ANKRD46: variants seen among roughly 807,000 people sequenced by gnomAD.
ANKRD46 encodes ankyrin repeat domain 46.
Under a neutral mutation model 19.8 loss-of-function variants are expected in ANKRD46, and 13 were observed. The observed-to-expected ratio is 0.66, with a 90% CI of 0.43 to 1.04. The LOEUF (loss-of-function observed/expected upper bound fraction) is 1.04, where lower values mean the gene tolerates loss of function less well. ANKRD46 is among the 50% of genes least tolerant of loss of function. ANKRD46 has a pLI of 0.00. For synonymous variants in ANKRD46, 91 were observed against 106.9 expected (o/e 0.85, Z 0.92); for missense variants, 185 against 274.8 (o/e 0.67, Z 2.31).
At position 100,556,765 on chromosome 8, in the gene ANKRD46, G is replaced by A. The variant is rs999527654; in HGVS notation, c.-131+2946C>T. On this transcript the variant is annotated intron_variant, in intron 1 of 4. Transcript: ENST00000335659. ...TACTTGACTTGTCAATCAGCAGGAGGAGACACAGTTGGTCACTTTCTCCCT... is the reference window on the plus strand; with the variant it reads ...TACTTGACTTGTCAATCAGCAGGAGAAGACACAGTTGGTCACTTTCTCCCT... The A allele has an allele frequency of 3.3e-5, 5 of 152,284 alleles. No homozygotes were observed. The South Asian group carries it at 8.3e-4, about 25-fold the overall frequency. 9.4% of individuals were successfully genotyped at this position (152,284 alleles called of 1,614,324 possible).
At position 100,544,906 on chromosome 8, in the gene ANKRD46, T is replaced by G. The variant is rs1295789565; in HGVS notation, c.-130-11595A>C. ...ATAGAGTCTGGTGCTCTTCACAGAGTGAACAAGCAGAGAAGCCCAAGGAGA... is the reference window on the plus strand; with the variant it reads ...ATAGAGTCTGGTGCTCTTCACAGAGGGAACAAGCAGAGAAGCCCAAGGAGA... On this transcript the variant is annotated intron_variant, in intron 1 of 4. Transcript: ENST00000335659. This position sits in a 1 kb window ranked among gnomAD's most constrained non-coding sequence, Gnocchi z 4.4. Among the ~76,000 whole-genome samples, 1 of 151,840 alleles carries G rather than the reference T, an allele frequency of 6.6e-6. No individual in the cohort carries two copies. Among genetic ancestry groups the G allele is most frequent in the Non-Finnish European group, 1.5e-5 (1 of 67,986 alleles).
chr8:100,518,829 G>A (rs1223779405), downstream of ANKRD46, among the ~76,000 whole-genome samples: 2 of 151,196 alleles, frequency 1.3e-5, no homozygotes, highest in Admixed American at 1.3e-4. Context: ...TCCAGCCTGG[G>A]CGACAGAGCG....
intron 1 of ANKRD46, among the ~76,000 whole-genome samples, chr8:100,538,690 G>A (rs990742576): frequency 6.6e-6 from 1 of 152,128 alleles, no homozygotes; most frequent in African/African-American, 2.4e-5. Context: ...AAGATTCACT[G>A]AGGACTGAGT....
intron 2 of ANKRD46, among the ~76,000 whole-genome samples, chr8:100,531,549 A>G (rs1307870973): frequency 6.6e-6 from 1 of 152,202 alleles, no homozygotes; most frequent in East Asian, 1.9e-4. Flanking sequence ...GCCAGGTACC[A>G]ACTAGGAGCT....
chr8:100,533,663 G>A (rs1812008126), intron 1 of ANKRD46, among the ~76,000 whole-genome samples: 2 of 152,234 alleles, frequency 1.3e-5, no homozygotes, highest in African/African-American at 2.4e-5. Flanking sequence ...CATTATAAAT[G>A]GAGGCTAGAT....
chr8:100,535,768 C>T (rs541545151), intron 1 of ANKRD46, among the ~76,000 whole-genome samples: 2 of 152,272 alleles, frequency 1.3e-5, no homozygotes, highest in Admixed American at 6.5e-5. Flanking sequence ...AGTAGTATTC[C>T]GTGGCATGGG....
At chr8:100,512,717 T>C (rs766380367) in intron 5 of ANKRD46, among the ~76,000 whole-genome samples, 2 of 152,226 alleles carry the variant, frequency 1.3e-5, no homozygotes, top group Non-Finnish European at 2.9e-5. Flanking sequence ...GTAGTTCTAT[T>C]AGAGGAATAT....
chr8:100,515,027 A>G (rs1242192325), intron 5 of ANKRD46, among the ~76,000 whole-genome samples: 1 of 152,192 alleles, frequency 6.6e-6, no homozygotes, highest in Non-Finnish European at 1.5e-5. Flanking sequence ...AACATATTGA[A>G]GAGCTTAATT....
rs754707528 is a variant in ANKRD46 at position 100,511,171 on chromosome 8, C to T, written c.637-532G>A. On this transcript the variant is annotated intron_variant, in intron 5 of 5. Coordinates refer to the ANKRD46 transcript ENST00000520552. This position sits in a 1 kb window ranked among gnomAD's most constrained non-coding sequence, Gnocchi z 4.1. ...ATCCCCTGGTTAGCATTACTATTCC[C>T]ATGTAACAGATGAGCTGAGTCAGGA... is the stretch of plus-strand genomic sequence containing the variant. Among the ~76,000 whole-genome samples, 5 of 152,158 alleles carry T rather than the reference C, an allele frequency of 3.3e-5. No individual in the cohort carries two copies. Among genetic ancestry groups the T allele is most frequent in the African/African-American group, 4.8e-5 (2 of 41,424 alleles).
intron 5 of ANKRD46, among the ~76,000 whole-genome samples, chr8:100,512,591 G>A (rs924774838): frequency 3.9e-5 from 6 of 152,200 alleles, no homozygotes; most frequent in African/African-American, 1.4e-4. Flanking sequence ...CAGTTCTAGG[G>A]TCTTATAGTG....
In ANKRD46 at chr8:100,522,330, G is replaced by C; in HGVS notation, c.*225C>G. On this transcript the variant is annotated 3_prime_UTR_variant, in exon 5 of 5. Coordinates refer to ENST00000335659, the MANE Select transcript of ANKRD46 (RefSeq NM_001270377.2). ...GGCTACGTGTAGGCTTTCCTACAAA[G>C]TCAGGTTGAGTCAGAGGTAGCGTTA... The C allele has an allele frequency of 7.4e-7, 1 of 1,355,082 alleles. No homozygotes were observed. The highest frequency in any genetic ancestry group is 9.5e-7 in the Non-Finnish European group (1 of 1,052,386). 83.9% of individuals were successfully genotyped at this position (1,355,082 alleles called of 1,614,324 possible).
In ANKRD46 at chr8:100,534,453, C is replaced by T. The variant is rs1191387863; in HGVS notation, c.-130-1142G>A. 2.0e-5 allele frequency among the ~76,000 whole-genome samples: 3 copies of T among 152,174 alleles called. No individual in the cohort carries two copies. The highest frequency in any genetic ancestry group is 2.9e-5 in the Non-Finnish European group (2 of 68,024). On this transcript the variant is annotated intron_variant, in intron 1 of 4. Transcript: ENST00000335659. This position sits in a 1 kb window ranked among gnomAD's most constrained non-coding sequence, Gnocchi z 4.2. ...ATCAATTTAGACGAACTTCATATCA[C>T]GGAGCCACTTACCTTGATTTCCTTA...
chr8:100,516,718 A>G (rs994936397), downstream of ANKRD46, among the ~76,000 whole-genome samples: 2 of 152,224 alleles, frequency 1.3e-5, no homozygotes, highest in African/African-American at 4.8e-5. Flanking sequence ...TCAATTACGC[A>G]ACTCCTAGAG....
At chr8:100,549,984 T>G (rs531367768) in intron 1 of ANKRD46, among the ~76,000 whole-genome samples, 1 of 152,356 alleles carries the variant, frequency 6.6e-6, no homozygotes, top group Admixed American at 6.5e-5. Context: ...ACGTGTTTTC[T>G]GTATCTTCTC....
rs1811902277 is a variant in ANKRD46, at chr8:100,529,015, C to T, written c.311+508G>A. Among the ~76,000 whole-genome samples the T allele has an allele frequency of 6.6e-6, 1 of 152,218 alleles. No homozygotes were observed. The highest frequency in any genetic ancestry group is 2.4e-5 in the African/African-American group (1 of 41,460). ...GAAGCTCACATGGTGCGTTACATGA[C>T]AGAAGGCACACAAGCGTTAGAGTCA... On this transcript the variant is annotated intron_variant, in intron 3 of 4. Coordinates refer to ENST00000335659, the MANE Select transcript of ANKRD46 (RefSeq NM_001270377.2). This position sits in a 1 kb window ranked among gnomAD's most constrained non-coding sequence, Gnocchi z 5.8.
chr8:100,522,373 T>G lies in ANKRD46; in HGVS notation c.*182A>C. 1 of 1,420,090 alleles carries G rather than the reference T, an allele frequency of 7.0e-7. No individual in the cohort carries two copies. The highest frequency in any genetic ancestry group is 9.2e-7 in the Non-Finnish European group (1 of 1,091,314). 88.0% of individuals were successfully genotyped at this position (1,420,090 alleles called of 1,614,324 possible). On this transcript the variant is annotated 3_prime_UTR_variant, in exon 5 of 5. Coordinates refer to ENST00000335659, the MANE Select transcript of ANKRD46 (RefSeq NM_001270377.2). ...TAGCGTTAGGATGCAATATACTTGATCATAGTATGTAGTTAGTTCAAATGA... is the reference window on the plus strand; with the variant it reads ...TAGCGTTAGGATGCAATATACTTGAGCATAGTATGTAGTTAGTTCAAATGA...
In ANKRD46 at chr8:100,525,138, T is replaced by C. The variant is rs1187999401; in HGVS notation, c.471-2367A>G. Among the ~76,000 whole-genome samples the C allele has an allele frequency of 2.6e-5, 4 of 152,240 alleles. No individual in the cohort carries two copies. Among genetic ancestry groups the C allele is most frequent in the South Asian group, 2.1e-4 (1 of 4,830 alleles). ...ATCCTAAGAGAAATGGAAAATATTA[T>C]AGTAAATACATTTAAAACCCTGCTT... On this transcript the variant is annotated intron_variant, in intron 4 of 4. Transcript: ENST00000335659. The surrounding 1 kb of genome is among the most constrained non-coding windows in gnomAD (Gnocchi z 4.4).
At position 100,536,893 on chromosome 8, in the gene ANKRD46, T is replaced by C. The variant is rs1261469181; in HGVS notation, c.-130-3582A>G. Among the ~76,000 whole-genome samples, 2 of 152,228 alleles carry C rather than the reference T, an allele frequency of 1.3e-5. No individual in the cohort carries two copies. The highest frequency in any genetic ancestry group is 3.8e-4 in the East Asian group (2 of 5,202). ...TTAAAACTCCTCACTCTGTGCTCTG[T>C]GGCACTGCCTGAGAGACTTGAAGAT... On this transcript the variant is annotated intron_variant, in intron 1 of 4. Coordinates refer to ENST00000335659, the MANE Select transcript of ANKRD46 (RefSeq NM_001270377.2). This position sits in a 1 kb window ranked among gnomAD's most constrained non-coding sequence, Gnocchi z 4.9.
Position 100,510,653 on chromosome 8 carries a change from G to T in ANKRD46, c.637-14C>A. ...CAGTGTCCTTCTCTGTAAATGTGGG[G>T]AAGACAGATTAAAAAAAAAAAAAAA... is the stretch of plus-strand genomic sequence containing the variant. On this transcript the variant is annotated splice_polypyrimidine_tract_variant and intron_variant, in intron 5 of 5. Transcript: ENST00000520552. The surrounding 1 kb of genome is among the most constrained non-coding windows in gnomAD (Gnocchi z 4.9). The T allele has an allele frequency of 7.2e-6, 11 of 1,519,188 alleles. No homozygotes were observed. The highest frequency in any genetic ancestry group is 9.6e-6 in the Non-Finnish European group (11 of 1,139,918). 94.1% of individuals were successfully genotyped at this position (1,519,188 alleles called of 1,614,324 possible). A position where few individuals can be genotyped will look rare whatever the true frequency, so the allele number is the denominator to read the frequency against.
Sources: gnomAD v4.1 joint callset for allele counts (sites outside exome capture counted in the v4.1 genomes callset) on GRCh38, gnomAD v4.1.1 for gene constraint, Gnocchi (gnomAD v3.1) non-coding constraint, MANE v1.5 for transcripts, NCBI Gene and HGNC (gene_info 2026-07-23, HGNC 2026-07-21) for gene names.